Variants in CHST11 observed in about 807,000 individuals in gnomAD.
CHST11 encodes the protein C4S-1.
A neutral mutation model predicts 30.4 loss-of-function variants in CHST11; 9 were observed. The observed-to-expected ratio is 0.30, with a 90% CI of 0.18 to 0.52. The LOEUF is 0.52. Among genes scored for constraint, CHST11 ranks in the 20% least tolerant of loss-of-function variants. The pLI, the probability that CHST11 is intolerant of heterozygous loss-of-function variation, is 0.97. For synonymous variants in CHST11, 152 were observed against 187.8 expected (o/e 0.81, Z 1.56); for missense variants, 348 against 460.6 (o/e 0.76, Z 2.24).
chr12:104,673,848 G>A lies in CHST11; in HGVS notation c.204+71857G>A, dbSNP rs555028603. ...GCTGCTGAAAGATTAAATGTGGTCA[G>A]CCTCGTGACACATGTTCTGCATCAA... On this transcript the variant is annotated intron_variant, in intron 2 of 2. Coordinates refer to ENST00000303694, the MANE Select transcript of CHST11 (RefSeq NM_018413.6). Among the ~76,000 whole-genome samples the A allele has an allele frequency of 5.3e-5, 8 of 152,334 alleles. No homozygotes were observed. In the East Asian group the frequency reaches 1.5e-3, roughly 29 times the overall value.
intron 1 of CHST11, among the ~76,000 whole-genome samples, chr12:104,567,042 A>G (rs1448667226): frequency 2.0e-5 from 3 of 152,102 alleles, no homozygotes; most frequent in Non-Finnish European, 4.4e-5. Flanking sequence ...TCCTGATGGA[A>G]CACCTCCCGC....
rs75864602 is a variant in CHST11, at chr12:104,730,196, C to T, written c.205-26753C>T. ...CTTCACTCGTTCTGGAGGAACTACC[C>T]GACCTGGGTTGGCATCCTGCCTCTG... On this transcript the variant is annotated intron_variant, in intron 2 of 2. Coordinates refer to ENST00000303694, the MANE Select transcript of CHST11 (RefSeq NM_018413.6). Among the ~76,000 whole-genome samples the T allele has an allele frequency of 2.0e-4, 30 of 152,330 alleles. No individual in the cohort carries two copies. In the East Asian group the frequency reaches 5.6e-3, roughly 28 times the overall value.
At chr12:104,691,463 G>A (rs979829087) in intron 2 of CHST11, among the ~76,000 whole-genome samples, 3 of 151,760 alleles carry the variant, frequency 2.0e-5, no homozygotes, top group Non-Finnish European at 4.4e-5. Flanking sequence ...GGGGGCGGGG[G>A]GGAAACCAGG....
At chr12:104,468,364 T>A (rs2037478025) in intron 1 of CHST11, among the ~76,000 whole-genome samples, 2 of 152,188 alleles carry the variant, frequency 1.3e-5, no homozygotes, top group African/African-American at 4.8e-5. Context: ...GTATAATGTA[T>A]ACGCTATAAT....
chr12:104,688,280 GA>G (rs970928456), intron 2 of CHST11, among the ~76,000 whole-genome samples: 2 of 152,078 alleles, frequency 1.3e-5, no homozygotes, highest in African/African-American at 4.8e-5. Flanking sequence ...TCTGATCCTT[GA>G]TCACAAATGC....
chr12:104,499,016 A>G (rs1280445508), intron 1 of CHST11, among the ~76,000 whole-genome samples: 3 of 152,118 alleles, frequency 2.0e-5, no homozygotes, highest in Non-Finnish European at 4.4e-5. Context: ...GTGGCTCACT[A>G]TTGCCAGTCC....
At chr12:104,623,403 A>G (rs1466713474) in intron 2 of CHST11, among the ~76,000 whole-genome samples, 1 of 152,190 alleles carries the variant, frequency 6.6e-6, no homozygotes, top group Non-Finnish European at 1.5e-5. Context: ...GGTCCAGGCC[A>G]CCCGTGGTAG....
At chr12:104,639,484 G>T (rs1230585655) in intron 2 of CHST11, among the ~76,000 whole-genome samples, 1 of 152,162 alleles carries the variant, frequency 6.6e-6, no homozygotes, top group Non-Finnish European at 1.5e-5. Context: ...CTAAAGAGAA[G>T]TAATTTTTTC....
In CHST11 at chr12:104,548,514, G is replaced by A. The variant is rs537168622; in HGVS notation, c.119-53392G>A. On this transcript the variant is annotated intron_variant, in intron 1 of 2. Transcript: ENST00000303694. ...GAAAAAGAAAGGGAGAGAGAAAAGG[G>A]AAGAAAATTTATTATTAAAATTAAT... Among the ~76,000 whole-genome samples, 8 of 152,206 alleles carry A rather than the reference G, an allele frequency of 5.3e-5. No homozygotes were observed. The South Asian group carries it at 1.0e-3, about 20-fold the overall frequency.
chr12:104,486,184 T>C (rs752815562), intron 1 of CHST11, among the ~76,000 whole-genome samples: 1 of 152,186 alleles, frequency 6.6e-6, no homozygotes, highest in Non-Finnish European at 1.5e-5. Flanking sequence ...CCTTTAAATT[T>C]TTCTCTTTAG....
At chr12:104,503,509 G>C (rs1171710739) in intron 1 of CHST11, among the ~76,000 whole-genome samples, 1 of 152,218 alleles carries the variant, frequency 6.6e-6, no homozygotes. Flanking sequence ...GAATAAAAGA[G>C]CAAATCCATG....
intron 2 of CHST11, among the ~76,000 whole-genome samples, chr12:104,749,236 G>A (rs1487555073): frequency 6.6e-6 from 1 of 152,178 alleles, no homozygotes; most frequent in East Asian, 1.9e-4. Context: ...AATTTTCCGA[G>A]TCCTTTGAAA....
intron 2 of CHST11, among the ~76,000 whole-genome samples, chr12:104,694,705 C>T (rs1308168855): frequency 1.3e-5 from 2 of 152,076 alleles, no homozygotes; most frequent in Non-Finnish European, 1.5e-5. Context: ...TGAGAATGAA[C>T]GATGGAAACT....
chr12:104,459,280 G>A (rs1477083000), intron 1 of CHST11, among the ~76,000 whole-genome samples: 1 of 152,150 alleles, frequency 6.6e-6, no homozygotes, highest in Non-Finnish European at 1.5e-5. Context: ...AGAGTGCCAA[G>A]CTCCAGGGCC....
intron 1 of CHST11, among the ~76,000 whole-genome samples, chr12:104,511,327 G>A (rs1263384256): frequency 6.6e-6 from 1 of 152,158 alleles, no homozygotes; most frequent in African/African-American, 2.4e-5. Context: ...CACTTGCGAG[G>A]CTGGCCAGCA....
chr12:104,515,924 G>A (rs1484617644), intron 1 of CHST11, among the ~76,000 whole-genome samples: 1 of 152,204 alleles, frequency 6.6e-6, no homozygotes, highest in Non-Finnish European at 1.5e-5. Flanking sequence ...GCATTTTTGT[G>A]TGTATTTTAA....
intron 1 of CHST11, among the ~76,000 whole-genome samples, chr12:104,482,204 TGCCTTCCTTTC>T (rs1173698667): frequency 1.3e-5 from 2 of 152,024 alleles, no homozygotes; most frequent in African/African-American, 4.8e-5. Flanking sequence ...CACTACCTTC[TGCCTTCCTTTC>T]GCCTTCCCCC....
At chr12:104,686,382 A>C (rs2039846786) in intron 2 of CHST11, among the ~76,000 whole-genome samples, 1 of 152,192 alleles carries the variant, frequency 6.6e-6, no homozygotes, top group Non-Finnish European at 1.5e-5. Context: ...TCTGAGAGAG[A>C]GTCCTCTGCT....
intron 1 of CHST11, among the ~76,000 whole-genome samples, chr12:104,534,081 C>CTTTGGCAAGGTT (rs1453199006): frequency 3.9e-5 from 6 of 152,116 alleles, no homozygotes; most frequent in African/African-American, 1.4e-4. Context: ...TTTCTTAAGC[C>CTTTGGCAAGGTT]TTTGGCAAGG....
Sources: allele counts gnomAD v4.1 joint callset (sites outside exome capture counted in the v4.1 genomes callset), GRCh38; gene constraint gnomAD v4.1.1; transcripts MANE v1.5; gene names NCBI Gene and HGNC (gene_info 2026-07-23, HGNC 2026-07-21).